SIAE: variants seen among roughly 807,000 people sequenced by gnomAD.
SIAE encodes the protein sialic acid acetylesterase, also known as sialate O-acetylesterase.
SIAE carries 39 observed loss-of-function variants against 52.6 expected under a neutral mutation model. The observed-to-expected ratio is 0.74, with a 90% CI of 0.57 to 0.97. The LOEUF is 0.97. Among genes scored for constraint, SIAE ranks in the 50% least tolerant of loss-of-function variants. The pLI is 0.00. For synonymous variants in SIAE, 233 were observed against 241.4 expected, an observed-to-expected ratio of 0.97 and a Z score of 0.32; for missense variants, 592 against 662.1, an observed-to-expected ratio of 0.89 and a Z score of 1.16.
intron 3 of SIAE, chr11:124,659,143 A>C (rs1943144934): frequency 6.6e-6 from 1 of 152,256 alleles, no homozygotes; most frequent in African/African-American, 2.4e-5. Flanking sequence ...TACTCTTAAC[A>C]ATCAAAATCT....
upstream of SIAE, chr11:124,675,366 T>C (rs1297335126): frequency 1.2e-6 from 2 of 1,614,178 alleles, no homozygotes. Context: ...AACCGGACAA[T>C]ATACCAGCTT....
chr11:124,673,161 C>T (rs1009869888), intron 1 of SIAE, among the ~76,000 whole-genome samples: 20 of 152,184 alleles, frequency 1.3e-4, no homozygotes, highest in Non-Finnish European at 2.2e-4. Flanking sequence ...GCCCTGATAA[C>T]CACTTAAACG....
chr11:124,636,660 TCA>T lies in SIAE; in HGVS notation c.*289_*290del, dbSNP rs1365721030. 1.6e-5 allele frequency: 7 copies of T among 439,192 alleles called. No individual in the cohort carries two copies. The highest frequency in any genetic ancestry group is 1.4e-4 in the African/African-American group (7 of 50,072). The allele number at this position is 439,192 out of a possible 1,614,324, so 27.2% of individuals were successfully genotyped here. On this transcript the variant is annotated 3_prime_UTR_variant, in exon 10 of 10. Coordinates refer to ENST00000263593, the MANE Select transcript of SIAE (RefSeq NM_170601.5). ...AAAAGGGGCAAAAGTATTAGACATT[TCA>T]CTCCCATTAATATGAGGGAAGTAAA...
intron 4 of SIAE, among the ~76,000 whole-genome samples, chr11:124,651,349 C>T (rs1248574737): frequency 8.6e-5 from 13 of 151,972 alleles, no homozygotes; most frequent in Admixed American, 8.5e-4. Context: ...AGTTCGAGAC[C>T]AGCCTGACCA....
intron 3 of SIAE, among the ~76,000 whole-genome samples, chr11:124,655,713 C>A (rs540647538): frequency 1.3e-5 from 2 of 152,136 alleles, no homozygotes; most frequent in East Asian, 3.9e-4. Context: ...GGAACCACAC[C>A]CCCCCACACC....
intron 3 of SIAE, among the ~76,000 whole-genome samples, chr11:124,655,417 C>T (rs781746702): frequency 6.6e-5 from 10 of 152,152 alleles, no homozygotes; most frequent in Non-Finnish European, 1.3e-4. Context: ...CCTCGTGATC[C>T]GCCTGCCTTG....
Position 124,636,265 on chromosome 11 carries a change from ATT to A in SIAE, c.*684_*685del, listed in dbSNP as rs1026400159. The A allele has an allele frequency of 3.3e-5, 5 of 153,404 alleles. No individual in the cohort carries two copies. The highest frequency in any genetic ancestry group is 1.2e-4 in the African/African-American group (5 of 41,456). 9.5% of individuals were successfully genotyped at this position (153,404 alleles called of 1,614,324 possible). On this transcript the variant is annotated 3_prime_UTR_variant, in exon 10 of 10. Coordinates refer to ENST00000263593, the MANE Select transcript of SIAE (RefSeq NM_170601.5). ...TTTCTTAAACATTCATATTACCACT[ATT>A]TAGATTGAAGGAACAGAATTGGTTT...
intron 8 of SIAE, among the ~76,000 whole-genome samples, chr11:124,639,405 C>A (rs939312609): frequency 1.3e-5 from 2 of 152,222 alleles, no homozygotes; most frequent in African/African-American, 4.8e-5. Flanking sequence ...CAGTGTGACA[C>A]TTTAAGATGA....
chr11:124,648,514 T>C (rs568537952), intron 5 of SIAE, among the ~76,000 whole-genome samples: 40 of 152,184 alleles, frequency 2.6e-4, no homozygotes, highest in Non-Finnish European at 5.4e-4. Flanking sequence ...TAAATAAACC[T>C]TTATTTAATG....
In SIAE at chr11:124,636,833, C is replaced by CCATT. The variant is rs1421709367; in HGVS notation, c.*114_*117dup. On this transcript the variant is annotated 3_prime_UTR_variant, in exon 10 of 10. Transcript: ENST00000263593. ...GAAACAGCCATGTGCTAGCTGAAAG[C>CCATT]CATTCAATGAGGCTTTCTATTAATT... 1.3e-5 allele frequency: 18 copies of CCATT among 1,416,422 alleles called. No homozygotes were observed. Among genetic ancestry groups the CCATT allele is most frequent in the Non-Finnish European group, 1.8e-5 (18 of 1,005,326 alleles). The allele number at this position is 1,416,422 out of a possible 1,614,324, so 87.7% of individuals were successfully genotyped here.
upstream of SIAE, chr11:124,673,811 G>A: frequency 1.5e-6 from 2 of 1,336,798 alleles, no homozygotes; most frequent in Non-Finnish European, 2.1e-6. Context: ...TGCAGTCCTC[G>A]CAGCCTCCCG....
chr11:124,647,598 C>T (rs561644963), intron 6 of SIAE, 100 bp from the exon 7 acceptor site: 1 of 1,409,120 alleles, frequency 7.1e-7, no homozygotes, highest in African/African-American at 1.4e-5. Flanking sequence ...TAGTGGTCTT[C>T]CCACGGTCTC....
At chr11:124,668,944 GTTCT>G (rs1943310475) in intron 2 of SIAE, among the ~76,000 whole-genome samples, 1 of 152,156 alleles carries the variant, frequency 6.6e-6, no homozygotes, top group African/African-American at 2.4e-5. Flanking sequence ...GACTACCAGA[GTTCT>G]TACCCTCTCC....
chr11:124,648,004 G>T, intron 6 of SIAE, 62 bp downstream of exon 6: 1 of 1,218,916 alleles, frequency 8.2e-7, no homozygotes, highest in Non-Finnish European at 1.2e-6. Context: ...ACGTTCTAGG[G>T]TGCTGTGTTA....
chr11:124,654,550 T>G (rs759939931), intron 4 of SIAE, 105 bp downstream of exon 4: 144 of 1,606,656 alleles, frequency 9.0e-5, no homozygotes, highest in Admixed American at 6.7e-4. Flanking sequence ...ATAAAAGGCA[T>G]GAGTAATAAT....
At chr11:124,656,011 A>T (rs957926615) in intron 3 of SIAE, among the ~76,000 whole-genome samples, 31 of 152,228 alleles carry the variant, frequency 2.0e-4, no homozygotes, top group Admixed American at 9.2e-4. Flanking sequence ...AAAATTATTT[A>T]AAAATATTGT....
rs201877149 is a variant in SIAE at position 124,638,651 on chromosome 11, A to G, written c.1211T>C (p.Phe404Ser). Residue 404 changes from phenylalanine to serine, a missense_variant, in exon 9 of 10, where the codon TTT (phenylalanine) becomes TCT (serine). By Grantham distance (155) the Phe-to-Ser change is radical. Transcript: ENST00000263593. Reference protein sequence around the residue: ...ALAYGEKNLTFEGPLPEKIEL... With the variant: ...ALAYGEKNLTSEGPLPEKIEL... ...TATCTTCTCAGGCAGTGGTCCTTCA[A>G]AGGTCAAATTCTTCTCACCATAAGC... The G allele has an allele frequency of 1.1e-4, 180 of 1,614,000 alleles. No homozygotes were observed. Among genetic ancestry groups the G allele is most frequent in the Admixed American group, 2.8e-4 (17 of 59,986 alleles).
intron 1 of SIAE, among the ~76,000 whole-genome samples, chr11:124,671,964 G>GA (rs1332960224): frequency 1.3e-5 from 2 of 150,016 alleles, no homozygotes; most frequent in Non-Finnish European, 3.0e-5. Context: ...CTTTAGTAGA[G>GA]ACGGGGTTTC....
At chr11:124,667,082 T>G (rs550728863) in intron 2 of SIAE, among the ~76,000 whole-genome samples, 1 of 152,374 alleles carries the variant, frequency 6.6e-6, no homozygotes, top group Non-Finnish European at 1.5e-5. Flanking sequence ...CTGTGTTATC[T>G]CTGTCACCTA....
Sources: gnomAD v4.1 joint callset for allele counts (sites outside exome capture counted in the v4.1 genomes callset) on GRCh38, gnomAD v4.1.1 for gene constraint, MANE v1.5 for transcripts, NCBI Gene and HGNC (gene_info 2026-07-23, HGNC 2026-07-21) for gene names.